PGD: variants seen among roughly 807,000 people sequenced by gnomAD.
PGD encodes phosphogluconate dehydrogenase.
PGD carries 21 observed loss-of-function variants against 60.4 expected under a neutral mutation model. The observed-to-expected ratio is 0.35, with a 90% CI of 0.25 to 0.50. The LOEUF (loss-of-function observed/expected upper bound fraction) is 0.50. Ranked by LOEUF, PGD falls within the 20% of genes least tolerant of loss-of-function variation. PGD has a pLI of 0.98. For missense variants in PGD, 477 were observed against 613.1 expected, an observed-to-expected ratio of 0.78 and a Z score of 2.34; for synonymous variants, 230 against 235.9, an observed-to-expected ratio of 0.97 and a Z score of 0.23.
chr1:10,399,238 C>A, intron 1 of PGD, 113 bp downstream of exon 1: 4 of 1,253,890 alleles, frequency 3.2e-6, no homozygotes, highest in Non-Finnish European at 2.3e-6. Flanking sequence ...GTCGCCTGAG[C>A]TCACTTGGGG....
At chr1:10,410,241 A>G (rs1174604919) in intron 6 of PGD, among the ~76,000 whole-genome samples, 3 of 152,106 alleles carry the variant, frequency 2.0e-5, no homozygotes, top group African/African-American at 7.2e-5. Context: ...ACCTGAGGTC[A>G]GGAGTTTGAG....
chr1:10,400,479 C>T lies in PGD; in HGVS notation c.171C>T (p.Ser57=), dbSNP rs773708751. The T allele has an allele frequency of 6.2e-7, 1 of 1,613,828 alleles. No individual in the cohort carries two copies. Among genetic ancestry groups the T allele is most frequent in the Non-Finnish European group, 8.5e-7 (1 of 1,179,884 alleles). Residue 57 remains serine (S), a synonymous_variant, in exon 3 of 13, where the codon TCC becomes TCT. Coordinates refer to ENST00000270776, the MANE Select transcript of PGD (RefSeq NM_002631.4). ...GAACCAAAGTGGTGGGTGCCCAGTCCCTGAAAGAGATGGTCTCCAAGCTGA... is the reference window on the plus strand; with the variant it reads ...GAACCAAAGTGGTGGGTGCCCAGTCTCTGAAAGAGATGGTCTCCAAGCTGA... ...AKGTKVVGAQ[S]LKEMVSKLKK... is the part of the protein sequence containing the mutation.
At chr1:10,414,295 A>T (rs61775983) in intron 8 of PGD, among the ~76,000 whole-genome samples, 3,834 of 152,228 alleles carry the variant, frequency 0.025, 161 homozygotes, top group African/African-American at 0.087. Flanking sequence ...CAGAAAGATA[A>T]GGAAATAATA....
chr1:10,403,852 T>C (rs748501473), intron 4 of PGD, among the ~76,000 whole-genome samples: 34 of 152,214 alleles, frequency 2.2e-4, no homozygotes, highest in Non-Finnish European at 4.3e-4. Flanking sequence ...CGTTGAGTCT[T>C]ATTCAAGGTC....
At chr1:10,409,649 C>CTTTTTTTTTTTTTTT (rs543426528) in intron 6 of PGD, among the ~76,000 whole-genome samples, 1 of 75,416 alleles carries the variant, frequency 1.3e-5, no homozygotes, top group African/African-American at 6.1e-5. Flanking sequence ...GTGGTAGCAA[C>CTTTTTTTTTTTTTTT]TTTTTTTTTT....
At chr1:10,417,992 G>A (rs1360198336) in intron 10 of PGD, among the ~76,000 whole-genome samples, 3 of 152,202 alleles carry the variant, frequency 2.0e-5, no homozygotes, top group Non-Finnish European at 4.4e-5. Flanking sequence ...GATTACAGGC[G>A]TGAGCCACTG....
chr1:10,407,846 C>T (rs1390850206), intron 5 of PGD, among the ~76,000 whole-genome samples: 3 of 151,064 alleles, frequency 2.0e-5, no homozygotes, highest in African/African-American at 4.9e-5. Context: ...CTTAGGGGGC[C>T]GAGGCAGGAA....
intron 5 of PGD, among the ~76,000 whole-genome samples, chr1:10,405,989 A>G (rs34075302): frequency 0.33 from 49,966 of 151,596 alleles, 8,323 homozygotes; most frequent in Middle Eastern, 0.37. Flanking sequence ...AAGTGGCTGG[A>G]ACTACAGGCA....
In PGD at chr1:10,419,753, T is replaced by G; in HGVS notation, c.*4T>G. ...ATCCTCGTCATACAATGCCTGATCATGCTGCTCCTGTCACCCTCCACGATT... is the reference window on the plus strand; with the variant it reads ...ATCCTCGTCATACAATGCCTGATCAGGCTGCTCCTGTCACCCTCCACGATT... On this transcript the variant is annotated 3_prime_UTR_variant, in exon 13 of 13. Transcript: ENST00000270776. 6.2e-7 allele frequency: 1 copy of G among 1,614,224 alleles called. No individual in the cohort carries two copies. Among genetic ancestry groups the G allele is most frequent in the Non-Finnish European group, 8.5e-7 (1 of 1,180,030 alleles).
intron 2 of PGD, among the ~76,000 whole-genome samples, chr1:10,400,175 C>A (rs1639291244): frequency 6.6e-6 from 1 of 152,200 alleles, no homozygotes; most frequent in South Asian, 2.1e-4. Flanking sequence ...ACCTGACACA[C>A]CGGGGGTAGT....
chr1:10,401,502 G>A (rs545028578), intron 3 of PGD, among the ~76,000 whole-genome samples: 65 of 152,268 alleles, frequency 4.3e-4, no homozygotes, highest in Admixed American at 1.5e-3. Flanking sequence ...GTTTCCACAG[G>A]GAGAAGGATT....
chr1:10,418,921 G>A lies in PGD; in HGVS notation c.1205G>A (p.Cys402Tyr). The A allele has an allele frequency of 2.5e-6, 4 of 1,580,620 alleles. No homozygotes were observed. ...DDFFKSAVENCQDSWRRAVST... is the reference protein window; with the variant it reads ...DDFFKSAVENYQDSWRRAVST... ...TTCTTTAAGTCAGCTGTTGAAAACTGCCAGGTATGTAGCCTAGGGCTGGTG... is the reference window on the plus strand; with the variant it reads ...TTCTTTAAGTCAGCTGTTGAAAACTACCAGGTATGTAGCCTAGGGCTGGTG... Residue 402 changes from cysteine (C) to tyrosine (Y), a missense_variant, in exon 11 of 13, where the codon TGC becomes TAC. Coordinates refer to ENST00000270776, the MANE Select transcript of PGD (RefSeq NM_002631.4).
chr1:10,418,898 C>G lies in PGD; in HGVS notation c.1182C>G (p.Phe394Leu). The G allele has an allele frequency of 1.2e-6, 2 of 1,610,650 alleles. No individual in the cohort carries two copies. The highest frequency in any genetic ancestry group is 1.7e-6 in the Non-Finnish European group (2 of 1,177,076). ...TTCAGAACCTCCTACTGGACGACTTCTTTAAGTCAGCTGTTGAAAACTGCC... is the reference window on the plus strand; with the variant it reads ...TTCAGAACCTCCTACTGGACGACTTGTTTAAGTCAGCTGTTGAAAACTGCC... ...PELQNLLLDD[F>L]FKSAVENCQD... The change falls in exon 11 of 13, where the codon TTC becomes TTG. Residue 394 changes from phenylalanine (F) to leucine (L), a missense_variant. Phe to Leu is a conservative substitution (Grantham distance 22, BLOSUM62 0). Around this residue, in one of 3 missense-constraint regions of PGD, gnomAD observed 431 missense variants for 556.6 expected, o/e 0.77. Transcript: ENST00000270776.
chr1:10,404,522 C>CT (rs57895243), intron 5 of PGD, among the ~76,000 whole-genome samples: 132 of 144,230 alleles, frequency 9.2e-4, no homozygotes, highest in Middle Eastern at 3.6e-3. Flanking sequence ...TCTAAATAGG[C>CT]TTTTTTTTTT....
intron 2 of PGD, chr1:10,400,038 G>A (rs1639289346): frequency 2.2e-6 from 1 of 464,648 alleles, no homozygotes; most frequent in Non-Finnish European, 3.9e-6. Context: ...TGGGGAGAGT[G>A]AAAATGTTTC....
At chr1:10,409,649 C>A (rs1379716881) in intron 6 of PGD, among the ~76,000 whole-genome samples, 1 of 75,406 alleles carries the variant, frequency 1.3e-5, no homozygotes, top group South Asian at 5.2e-4. Context: ...GTGGTAGCAA[C>A]TTTTTTTTTT....
chr1:10,400,002 C>T lies in PGD; in HGVS notation c.84+298C>T, dbSNP rs556103697. ...GAGAACCCTTGCTGGCTGTGTAGAG[C>T]TCTAACTTGATTGCCTGATGAGATC... is the stretch of plus-strand genomic sequence containing the variant. On this transcript the variant is annotated intron_variant, in intron 2 of 12. Coordinates refer to ENST00000270776, the MANE Select transcript of PGD (RefSeq NM_002631.4). 5.8e-6 allele frequency: 3 copies of T among 519,834 alleles called. No individual in the cohort carries two copies. In the South Asian group the frequency reaches 6.9e-5, roughly 12 times the overall value. The allele number at this position is 519,834 out of a possible 1,614,324, so 32.2% of individuals were successfully genotyped here.
chr1:10,402,261 G>C (rs1008050296), intron 3 of PGD, among the ~76,000 whole-genome samples: 8 of 151,948 alleles, frequency 5.3e-5, no homozygotes, highest in African/African-American at 1.7e-4. Context: ...ATAGAAATGG[G>C]GTCTTGCTAT....
rs562104904 is a variant in PGD, at chr1:10,405,577, C to T, written c.449+1298C>T. Among the ~76,000 whole-genome samples, 6 of 150,960 alleles carry T rather than the reference C, an allele frequency of 4.0e-5. No homozygotes were observed. In the South Asian group the frequency reaches 1.3e-3, roughly 32 times the overall value. On this transcript the variant is annotated intron_variant, in intron 5 of 12. Transcript: ENST00000270776. ...CTTTAAGGCTGGGCATGGTGGCTCACGCCTGTAATCCCAGCACTTTGGGAG... is the reference window on the plus strand; with the variant it reads ...CTTTAAGGCTGGGCATGGTGGCTCATGCCTGTAATCCCAGCACTTTGGGAG...
Sources: gnomAD v4.1 joint callset for allele counts (sites outside exome capture counted in the v4.1 genomes callset) on GRCh38, gnomAD v4.1.1 for gene constraint, gnomAD v4.1.1 regional missense constraint, MANE v1.5 for transcripts, NCBI Gene and HGNC (gene_info 2026-07-23, HGNC 2026-07-21) for gene names.